CYTH1: variants seen among roughly 807,000 people sequenced by gnomAD.
CYTH1 encodes the protein cytohesin-1.
In CYTH1, 18 loss-of-function variants were observed where a neutral mutation model predicts 61.8. The ratio of observed to expected loss-of-function variants is 0.29; its 90% confidence interval spans 0.20 to 0.43. CYTH1 has a LOEUF of 0.43. CYTH1 is among the 20% of genes least tolerant of loss of function. The probability of loss-of-function intolerance (pLI) is 1.00; values close to 1 mark genes in which losing one functional copy is unlikely to be tolerated. For synonymous variants in CYTH1, 174 were observed against 184.3 expected, an observed-to-expected ratio of 0.94 and a Z score of 0.45; for missense variants, 336 against 510.5, an observed-to-expected ratio of 0.66 and a Z score of 3.29.
At chr17:78,726,200 C>T (rs949386312) in intron 1 of CYTH1, among the ~76,000 whole-genome samples, 3 of 152,052 alleles carry the variant, frequency 2.0e-5, no homozygotes, top group Non-Finnish European at 2.9e-5. Flanking sequence ...CCCGCTACCA[C>T]GCCTGGCTAA....
At chr17:78,696,306 T>C (rs1236810234) in intron 9 of CYTH1, among the ~76,000 whole-genome samples, 1 of 152,248 alleles carries the variant, frequency 6.6e-6, no homozygotes, top group African/African-American at 2.4e-5. Context: ...AATCGGCTTT[T>C]ACAAAGCCAA....
chr17:78,764,046 G>A (rs1017430928), intron 1 of CYTH1, among the ~76,000 whole-genome samples: 1 of 152,090 alleles, frequency 6.6e-6, no homozygotes, highest in Non-Finnish European at 1.5e-5. Context: ...GGGAGGCAGA[G>A]GTTGCAGTGA....
At chr17:78,706,920 C>T (rs1234395967) in intron 3 of CYTH1, among the ~76,000 whole-genome samples, 3 of 152,164 alleles carry the variant, frequency 2.0e-5, no homozygotes, top group Non-Finnish European at 2.9e-5. Flanking sequence ...ATCATATATT[C>T]TAGATACAAG....
chr17:78,743,112 G>A (rs970023211), intron 1 of CYTH1, among the ~76,000 whole-genome samples: 3 of 152,090 alleles, frequency 2.0e-5, no homozygotes, highest in African/African-American at 7.2e-5. Flanking sequence ...AACTATTTTT[G>A]TAGAGACAGA....
chr17:78,722,193 C>T (rs113069635), intron 1 of CYTH1, among the ~76,000 whole-genome samples: 5 of 152,166 alleles, frequency 3.3e-5, no homozygotes, highest in African/African-American at 7.2e-5. Context: ...AGTTAACATC[C>T]GCTTTCAATA....
chr17:78,724,030 A>G (rs958856379), intron 1 of CYTH1: 1 of 152,248 alleles, frequency 6.6e-6, no homozygotes, highest in African/African-American at 2.4e-5. Flanking sequence ...CCTACTCAGT[A>G]CACTCGCAGC....
rs1555615252 is a variant in CYTH1, at chr17:78,760,384, TACAC to T, written c.22+21814_22+21817del. Among the ~76,000 whole-genome samples, 463 of 51,394 alleles carry T rather than the reference TACAC, an allele frequency of 9.0e-3. 49 individuals are homozygous for T. Among genetic ancestry groups the T allele is most frequent in the African/African-American group, 0.032 (408 of 12,598 alleles). 33.7% of individuals were successfully genotyped at this position (51,394 alleles called of 152,430 possible). A position where few individuals can be genotyped will look rare whatever the true frequency, so the allele number is the denominator to read the frequency against. ...ATATATATATATATATATATATATA[TACAC>T]ACACATACATATATATATGTGTATA... On this transcript the variant is annotated intron_variant, in intron 1 of 13. Coordinates refer to ENST00000446868, the MANE Select transcript of CYTH1 (RefSeq NM_004762.6).
intron 1 of CYTH1, among the ~76,000 whole-genome samples, chr17:78,727,312 G>GA (rs2093271931): frequency 6.6e-6 from 1 of 151,936 alleles, no homozygotes; most frequent in Admixed American, 6.6e-5. Context: ...GAGGCCTGGG[G>GA]TTTTTTTTAC....
rs1348067224 is a variant in CYTH1, at chr17:78,734,475, C to G, written c.23-24743G>C. 6.8e-5 allele frequency among the ~76,000 whole-genome samples: 8 copies of G among 116,848 alleles called. 1 individual carries two copies. The highest frequency in any genetic ancestry group is 2.3e-4 in the African/African-American group (7 of 30,692). The allele number at this position is 116,848 out of a possible 152,430, so 76.7% of individuals were successfully genotyped here. ...TTTTTTTTAGAGACAAAGTCTCACT[C>G]TGTCACCCAGGCTGGAGTGCAGTGG... On this transcript the variant is annotated intron_variant, in intron 1 of 13. Transcript: ENST00000446868.
chr17:78,718,215 GA>G (rs1567857169), intron 1 of CYTH1, among the ~76,000 whole-genome samples: 3 of 103,178 alleles, frequency 2.9e-5, no homozygotes. Flanking sequence ...CATAAACACT[GA>G]ATACACACAC....
chr17:78,723,281 G>C (rs1034385265), intron 1 of CYTH1: 1 of 152,966 alleles, frequency 6.5e-6, no homozygotes, highest in Non-Finnish European at 1.5e-5. Flanking sequence ...TCAAAGCCTC[G>C]GCAGGTCACA....
intron 1 of CYTH1, among the ~76,000 whole-genome samples, chr17:78,781,336 A>G (rs189557793): frequency 6.6e-6 from 1 of 152,344 alleles, no homozygotes; most frequent in South Asian, 2.1e-4. Context: ...CAAACTTAAT[A>G]AATTAACTAC....
At chr17:78,733,213 A>G (rs2093304046) in intron 1 of CYTH1, among the ~76,000 whole-genome samples, 1 of 152,118 alleles carries the variant, frequency 6.6e-6, no homozygotes, top group African/African-American at 2.4e-5. Context: ...ATATTTTCCT[A>G]CAAATAATAC....
intron 1 of CYTH1, among the ~76,000 whole-genome samples, chr17:78,734,229 G>A (rs1464041578): frequency 1.3e-5 from 2 of 150,250 alleles, no homozygotes; most frequent in African/African-American, 2.5e-5. Flanking sequence ...GCAACAGAGC[G>A]AGACTCTGTC....
At chr17:78,678,087 G>C (rs770057829) in intron 13 of CYTH1, 1 of 152,408 alleles carries the variant, frequency 6.6e-6, no homozygotes, top group Non-Finnish European at 1.5e-5. Context: ...CAGATCCCGA[G>C]GCTGAGGCCA....
At chr17:78,777,409 C>A (rs1048162991) in intron 1 of CYTH1, among the ~76,000 whole-genome samples, 3 of 152,082 alleles carry the variant, frequency 2.0e-5, no homozygotes, top group African/African-American at 7.2e-5. Flanking sequence ...CAGAGCAAGA[C>A]TCCGTCTCAA....
chr17:78,767,560 T>C (rs1034031890), intron 1 of CYTH1, among the ~76,000 whole-genome samples: 6 of 152,036 alleles, frequency 3.9e-5, no homozygotes, highest in Non-Finnish European at 8.8e-5. Context: ...AATGGATGAA[T>C]AGATGAACAA....
intron 1 of CYTH1, among the ~76,000 whole-genome samples, chr17:78,760,518 TA>T (rs2093423022): frequency 2.2e-5 from 1 of 46,458 alleles, no homozygotes; most frequent in African/African-American, 1.0e-4. Flanking sequence ...TATATATATG[TA>T]TATATATATA....
In CYTH1 at chr17:78,698,979, G is replaced by C; in HGVS notation, c.551-11C>G. The C allele has an allele frequency of 1.2e-6, 2 of 1,609,046 alleles. No homozygotes were observed. The highest frequency in any genetic ancestry group is 1.7e-6 in the Non-Finnish European group (2 of 1,178,372). The stretch of plus-strand genomic sequence containing the variant: ...GGACGTAACAAGTATCTAAAGATGA[G>C]AGAAAAGCAAAGGGGAGCCGTTGCA... On this transcript the variant is annotated splice_polypyrimidine_tract_variant and intron_variant, in intron 7 of 13. Transcript: ENST00000446868.
Sources: allele counts gnomAD v4.1 joint callset (sites outside exome capture counted in the v4.1 genomes callset), GRCh38; gene constraint gnomAD v4.1.1; transcripts MANE v1.5; gene names NCBI Gene and HGNC (gene_info 2026-07-23, HGNC 2026-07-21).